DCC: variants seen among roughly 807,000 people sequenced by gnomAD.
The protein encoded by DCC is netrin receptor DCC.
In DCC, 58 loss-of-function variants were observed where a neutral mutation model predicts 172.5. That is an observed-to-expected ratio of 0.34 (90% CI 0.27 to 0.42). The LOEUF is 0.42. Among genes scored for constraint, DCC ranks in the 10% least tolerant of loss-of-function variants. DCC has a pLI of 1.00. For missense variants in DCC, 1,740 were observed against 1,791.0 expected (o/e 0.97, Z 0.51); for synonymous variants, 709 against 644.5 (o/e 1.10, Z -1.52).
At chr18:53,032,331 T>A (rs949123973) in intron 5 of DCC, among the ~76,000 whole-genome samples, 2 of 152,110 alleles carry the variant, frequency 1.3e-5, no homozygotes, top group African/African-American at 4.8e-5. Context: ...TTCTGGAAAA[T>A]AGGTAGACCA....
intron 2 of DCC, among the ~76,000 whole-genome samples, chr18:52,844,986 G>A (rs1009151223): frequency 1.3e-5 from 2 of 152,174 alleles, no homozygotes; most frequent in African/African-American, 4.8e-5. Context: ...ATTAAAGATA[G>A]GCAGTTTTCT....
In DCC at chr18:53,410,353, A is replaced by C. The variant is rs1043124795; in HGVS notation, c.2936-99A>C. 15 of 782,890 alleles carry C rather than the reference A, an allele frequency of 1.9e-5. No homozygotes were observed. The African/African-American group carries it at 2.6e-4, about 13-fold the overall frequency. The allele number at this position is 782,890 out of a possible 1,614,324, so 48.5% of individuals were successfully genotyped here. ...TGTAGTTTACAGATTGTGGACATAT[A>C]ATAATTATTGTAAATTACATTTGGG... is the stretch of plus-strand genomic sequence containing the variant. On this transcript the variant is annotated intron_variant, in intron 19 of 28. Coordinates refer to ENST00000442544, the MANE Select transcript of DCC (RefSeq NM_005215.4).
chr18:52,996,481 TGA>T (rs2041481411), intron 5 of DCC, among the ~76,000 whole-genome samples: 1 of 152,024 alleles, frequency 6.6e-6, no homozygotes, highest in Non-Finnish European at 1.5e-5. Flanking sequence ...TAAATATTTT[TGA>T]GAGATTGTAT....
rs867768625 is a variant in DCC, at chr18:52,427,554, T to G, written c.91+86676T>G. Among the ~76,000 whole-genome samples, 5 of 152,032 alleles carry G rather than the reference T, an allele frequency of 3.3e-5. No individual in the cohort carries two copies. The South Asian group carries it at 1.0e-3, about 31-fold the overall frequency. On this transcript the variant is annotated intron_variant, in intron 1 of 28. Coordinates refer to ENST00000442544, the MANE Select transcript of DCC (RefSeq NM_005215.4). ...GCAGAGGGTGTGCGACTGCAGATATTGAAGACAAATATACTCCCAATCTAA... is the reference window on the plus strand; with the variant it reads ...GCAGAGGGTGTGCGACTGCAGATATGGAAGACAAATATACTCCCAATCTAA...
chr18:52,542,222 T>A lies in DCC; in HGVS notation c.91+201344T>A, dbSNP rs190483117. On this transcript the variant is annotated intron_variant, in intron 1 of 28. Coordinates refer to ENST00000442544, the MANE Select transcript of DCC (RefSeq NM_005215.4). ...GGATGCATCCTCTGAATTTGAAAAA[T>A]TTTTCTAAATATTTAATTCAATAGT... 1.7e-3 allele frequency among the ~76,000 whole-genome samples: 251 copies of A among 151,622 alleles called. 2 individuals carry two copies. The highest frequency in any genetic ancestry group is 5.1e-3 in the African/African-American group (211 of 41,346).
At chr18:53,397,822 A>G (rs1265464398) in intron 18 of DCC, among the ~76,000 whole-genome samples, 1 of 152,214 alleles carries the variant, frequency 6.6e-6, no homozygotes, top group Non-Finnish European at 1.5e-5. Flanking sequence ...ATTTTGAAAA[A>G]AAGAAAAATA....
intron 1 of DCC, among the ~76,000 whole-genome samples, chr18:52,408,410 G>A (rs977837600): frequency 1.3e-5 from 2 of 151,920 alleles, no homozygotes; most frequent in African/African-American, 4.8e-5. Context: ...AATTCAGGAT[G>A]CATGAAGAAT....
intron 1 of DCC, among the ~76,000 whole-genome samples, chr18:52,725,165 C>A (rs955503882): frequency 1.3e-5 from 2 of 152,114 alleles, no homozygotes; most frequent in Admixed American, 1.3e-4. Context: ...GCTCAGGCAC[C>A]TTTTTCAGGA....
At chr18:53,334,933 T>A (rs1291541597) in intron 14 of DCC, among the ~76,000 whole-genome samples, 1 of 152,230 alleles carries the variant, frequency 6.6e-6, no homozygotes, top group Non-Finnish European at 1.5e-5. Flanking sequence ...CTGCTTTCAA[T>A]TCTTTTTGCA....
Position 52,836,931 on chromosome 18 carries a change from C to T in DCC, c.413-69113C>T, listed in dbSNP as rs536419191. Among the ~76,000 whole-genome samples, 5 of 152,366 alleles carry T rather than the reference C, an allele frequency of 3.3e-5. No individual in the cohort carries two copies. The East Asian group carries it at 9.6e-4, about 29-fold the overall frequency. ...AACTTCTACCTGAACATCCAGGTGTCTCCATATATCTTCTGAAATACAGGC... is the reference window on the plus strand; with the variant it reads ...AACTTCTACCTGAACATCCAGGTGTTTCCATATATCTTCTGAAATACAGGC... On this transcript the variant is annotated intron_variant, in intron 2 of 28. Transcript: ENST00000442544.
chr18:52,497,125 G>T (rs1302075188), intron 1 of DCC, among the ~76,000 whole-genome samples: 1 of 151,000 alleles, frequency 6.6e-6, no homozygotes, highest in African/African-American at 2.4e-5. Context: ...GCCGGGCCTG[G>T]TGGTGCACAT....
chr18:52,537,637 T>A (rs543848512), intron 1 of DCC, among the ~76,000 whole-genome samples: 1 of 152,166 alleles, frequency 6.6e-6, no homozygotes, highest in South Asian at 2.1e-4. Context: ...CACCAACTAT[T>A]ACAAGCAGAA....
Position 52,788,399 on chromosome 18 carries a change from CAT to C in DCC, c.412+36026_412+36027del, listed in dbSNP as rs1329650169. Among the ~76,000 whole-genome samples, 4 of 152,246 alleles carry C rather than the reference CAT, an allele frequency of 2.6e-5. No homozygotes were observed. In the East Asian group the frequency reaches 7.7e-4, roughly 29 times the overall value. On this transcript the variant is annotated intron_variant, in intron 2 of 28. Transcript: ENST00000442544. Reference sequence around the variant, plus strand: ...GAATTGCAGAGTAGGTCTGACTCCACATGTCCCAGGCCTTACCTATCTGTAAA... The same window carrying C: ...GAATTGCAGAGTAGGTCTGACTCCACGTCCCAGGCCTTACCTATCTGTAAA...
At chr18:52,925,757 G>T (rs1165351631) in intron 5 of DCC, among the ~76,000 whole-genome samples, 1 of 151,704 alleles carries the variant, frequency 6.6e-6, no homozygotes, top group African/African-American at 2.4e-5. Context: ...GAGATGACAG[G>T]GTTTCTGACA....
intron 2 of DCC, among the ~76,000 whole-genome samples, chr18:52,905,543 C>A (rs903114108): frequency 5.9e-5 from 9 of 152,154 alleles, no homozygotes; most frequent in African/African-American, 2.2e-4. Flanking sequence ...TTCCTATCAT[C>A]CCTCTTTCTT....
intron 1 of DCC, among the ~76,000 whole-genome samples, chr18:52,388,759 G>A (rs993077976): frequency 1.3e-5 from 2 of 152,122 alleles, no homozygotes; most frequent in Non-Finnish European, 2.9e-5. Flanking sequence ...GTGAAAATAT[G>A]TAGGGGATGA....
intron 12 of DCC, among the ~76,000 whole-genome samples, chr18:53,223,900 A>G (rs1002358680): frequency 5.3e-5 from 8 of 152,150 alleles, no homozygotes; most frequent in Non-Finnish European, 1.2e-4. Context: ...ACCTTTCCCA[A>G]AGGTATTTTG....
chr18:52,953,000 C>CAAAAAAAA lies in DCC; in HGVS notation c.985+27651_985+27658dup, dbSNP rs11315976. Among the ~76,000 whole-genome samples, 58 of 52,220 alleles carry CAAAAAAAA rather than the reference C, an allele frequency of 1.1e-3. 9 individuals carry two copies. The highest frequency in any genetic ancestry group is 1.4e-3 in the Non-Finnish European group (44 of 31,540). The allele number at this position is 52,220 out of a possible 152,430, so 34.3% of individuals were successfully genotyped here. On this transcript the variant is annotated intron_variant, in intron 5 of 28. Coordinates refer to ENST00000442544, the MANE Select transcript of DCC (RefSeq NM_005215.4). ...GCACCACAGTAAGACTCTCCTGTCT[C>CAAAAAAAA]AAAAAAAAAAAAAAAAAAAAAAAAA...
chr18:53,296,395 C>T (rs577812437), intron 12 of DCC, among the ~76,000 whole-genome samples: 3 of 152,250 alleles, frequency 2.0e-5, no homozygotes, highest in East Asian at 1.9e-4. Flanking sequence ...AACTTTCACA[C>T]GTTCTCATTG....
Sources: gnomAD v4.1 joint callset for allele counts (sites outside exome capture counted in the v4.1 genomes callset) on GRCh38, gnomAD v4.1.1 for gene constraint, MANE v1.5 for transcripts, NCBI Gene and HGNC (gene_info 2026-07-23, HGNC 2026-07-21) for gene names.